The following EPHA3 variants were observed in gnomAD, a reference collection of about 807,000 sequenced individuals.
EPHA3 encodes ephrin type-A receptor 3.
In EPHA3, 42 loss-of-function variants were observed where a neutral mutation model predicts 107.1. The ratio of observed to expected loss-of-function variants is 0.39; its 90% CI spans 0.31 to 0.51. The LOEUF (loss-of-function observed/expected upper bound fraction) is 0.51, where lower values mean the gene tolerates loss of function less well. Ranked by LOEUF, EPHA3 falls within the 20% of genes least tolerant of loss-of-function variation. The pLI, the probability that EPHA3 is intolerant of heterozygous loss-of-function variation, is 0.78. For synonymous variants in EPHA3, 461 were observed against 424.8 expected (o/e 1.09, Z -1.05); for missense variants, 1,183 against 1,211.2 (o/e 0.98, Z 0.35).
chr3:89,347,772 A>G, intron 5 of EPHA3, among the ~76,000 whole-genome samples: 1 of 150,652 alleles, frequency 6.6e-6, no homozygotes. Context: ...AGCTCTTATC[A>G]TTTTGAAATA....
At chr3:89,124,111 C>T (rs1704032855) in intron 1 of EPHA3, among the ~76,000 whole-genome samples, 1 of 152,100 alleles carries the variant, frequency 6.6e-6, no homozygotes, top group Non-Finnish European at 1.5e-5. Context: ...ATTCAGTCCA[C>T]AGTAGTATAT....
chr3:89,205,366 T>A (rs1383359350), intron 2 of EPHA3, among the ~76,000 whole-genome samples: 1 of 152,312 alleles, frequency 6.6e-6, no homozygotes, highest in East Asian at 1.9e-4. Flanking sequence ...AAAATATATG[T>A]TTGATTCAGT....
At chr3:89,192,240 T>TAAATCC (rs1705735420) in intron 2 of EPHA3, among the ~76,000 whole-genome samples, 1 of 152,088 alleles carries the variant, frequency 6.6e-6, no homozygotes, top group Non-Finnish European at 1.5e-5. Flanking sequence ...GGTATAATAT[T>TAAATCC]TTGTTCTAGA....
chr3:89,304,805 A>G (rs1435777352), intron 3 of EPHA3, among the ~76,000 whole-genome samples: 2 of 152,030 alleles, frequency 1.3e-5, no homozygotes, highest in East Asian at 3.9e-4. Context: ...ACTGCATACT[A>G]CAACATAAAC....
chr3:89,139,782 C>T (rs2107012830), intron 2 of EPHA3, among the ~76,000 whole-genome samples: 1 of 151,776 alleles, frequency 6.6e-6, no homozygotes, highest in Non-Finnish European at 1.5e-5. Flanking sequence ...GGGTTCGGTG[C>T]TCTTTTCATT....
chr3:89,414,382 T>G (rs1709208748), intron 10 of EPHA3, among the ~76,000 whole-genome samples: 1 of 151,634 alleles, frequency 6.6e-6, no homozygotes, highest in African/African-American at 2.4e-5. Context: ...AATGGAGTAG[T>G]AACTTCTTTT....
chr3:89,339,595 T>A (rs552269983), intron 3 of EPHA3, among the ~76,000 whole-genome samples: 4 of 152,322 alleles, frequency 2.6e-5, no homozygotes, highest in African/African-American at 7.2e-5. Context: ...TGTATTTCCC[T>A]TGTCTTATTT....
In EPHA3 at chr3:89,472,572, G is replaced by C. The variant is rs761761984; in HGVS notation, c.2799G>C (p.Thr933=). 9 of 1,614,050 alleles carry C rather than the reference G, an allele frequency of 5.6e-6. No individual in the cohort carries two copies. Among genetic ancestry groups the C allele is most frequent in the Non-Finnish European group, 7.6e-6 (9 of 1,179,964 alleles). The change falls in exon 16 of 17, where the codon ACG becomes ACC. Residue 933 remains threonine, a synonymous_variant. Coordinates refer to ENST00000336596, the MANE Select transcript of EPHA3 (RefSeq NM_005233.6). ...VWTAHCKEIF[T]GVEYSSCDTI... ...CAGCACACTGCAAGGAAATCTTCAC[G>C]GGTGTGGAGTACAGTTCTTGTGACA... is the stretch of plus-strand genomic sequence containing the variant.
rs1342454003 is a variant in EPHA3, at chr3:89,302,012, T to C, written c.815-38904T>C. 4.6e-5 allele frequency among the ~76,000 whole-genome samples: 7 copies of C among 152,300 alleles called. 1 individual carries two copies. The South Asian group carries it at 1.0e-3, about 23-fold the overall frequency. On this transcript the variant is annotated intron_variant, in intron 3 of 16. Transcript: ENST00000336596. ...CTACCTCACTGCCTTAGAAAAGTTA[T>C]AAATTCTTCATACCACGGAAGGAAT...
At chr3:89,117,410 C>T (rs6551394) in intron 1 of EPHA3, among the ~76,000 whole-genome samples, 35,332 of 151,852 alleles carry the variant, frequency 0.23, 4,243 homozygotes, top group Middle Eastern at 0.32. Flanking sequence ...GATTTTCAAA[C>T]GCAATTTAGC....
At chr3:89,118,911 T>C (rs1340936700) in intron 1 of EPHA3, among the ~76,000 whole-genome samples, 1 of 151,940 alleles carries the variant, frequency 6.6e-6, no homozygotes, top group Non-Finnish European at 1.5e-5. Context: ...TATGAATCTT[T>C]AGTGGAGGGT....
chr3:89,234,182 C>G (rs1260243011), intron 3 of EPHA3, among the ~76,000 whole-genome samples: 1 of 152,004 alleles, frequency 6.6e-6, no homozygotes, highest in Admixed American at 6.6e-5. Context: ...TTATACAGAG[C>G]AGTAAGGATG....
chr3:89,332,267 A>T (rs1297154967), intron 3 of EPHA3, among the ~76,000 whole-genome samples: 1 of 152,186 alleles, frequency 6.6e-6, no homozygotes, highest in East Asian at 1.9e-4. Context: ...CTGTTTTAAC[A>T]TTCTCTTTGT....
intron 5 of EPHA3, among the ~76,000 whole-genome samples, chr3:89,372,014 A>C (rs903682536): frequency 6.7e-6 from 1 of 150,192 alleles, no homozygotes; most frequent in Non-Finnish European, 1.5e-5. Context: ...TTAAAAAAAA[A>C]AATAAAACCA....
At chr3:89,144,102 G>C (rs1010074275) in intron 2 of EPHA3, among the ~76,000 whole-genome samples, 1 of 151,606 alleles carries the variant, frequency 6.6e-6, no homozygotes, top group African/African-American at 2.4e-5. Flanking sequence ...TACGTAGTCT[G>C]CATTAGAGTT....
chr3:89,273,999 G>A (rs1705744335), intron 3 of EPHA3, among the ~76,000 whole-genome samples: 2 of 151,984 alleles, frequency 1.3e-5, no homozygotes, highest in South Asian at 2.1e-4. Context: ...TGTGAGAGTT[G>A]AAATAAGAAG....
intron 5 of EPHA3, among the ~76,000 whole-genome samples, chr3:89,350,945 G>A (rs546293919): frequency 6.6e-5 from 10 of 151,502 alleles, no homozygotes; most frequent in African/African-American, 2.4e-4. Context: ...CAGGGGTCAG[G>A]GACCCACTTG....
At chr3:89,329,480 T>A (rs1707243144) in intron 3 of EPHA3, among the ~76,000 whole-genome samples, 2 of 152,142 alleles carry the variant, frequency 1.3e-5, no homozygotes, top group African/African-American at 4.8e-5. Context: ...AAGCAATCCA[T>A]CTTAATATTT....
chr3:89,138,193 A>G (rs1263763117), intron 2 of EPHA3, among the ~76,000 whole-genome samples: 2 of 148,746 alleles, frequency 1.3e-5, no homozygotes, highest in African/African-American at 5.2e-5. Flanking sequence ...TGGATTTTAC[A>G]ATAAACACAC....
Sources: gnomAD v4.1 joint callset for allele counts (sites outside exome capture counted in the v4.1 genomes callset) on GRCh38, gnomAD v4.1.1 for gene constraint, MANE v1.5 for transcripts, NCBI Gene and HGNC (gene_info 2026-07-23, HGNC 2026-07-21) for gene names.